Variants in THSD4 observed in about 807,000 individuals in gnomAD.
THSD4 encodes thrombospondin type-1 domain-containing protein 4.
Under a neutral mutation model 119.0 loss-of-function variants are expected in THSD4, and 69 were observed. The observed-to-expected ratio is 0.58, with a 90% CI of 0.48 to 0.71. THSD4 has a LOEUF of 0.71. Among genes scored for constraint, THSD4 ranks in the 30% least tolerant of loss-of-function variants. THSD4 has a pLI of 0.00. For missense variants in THSD4, 1,393 were observed against 1,391.1 expected (o/e 1.00, Z -0.02); for synonymous variants, 524 against 540.4 (o/e 0.97, Z 0.42).
intron 6 of THSD4, among the ~76,000 whole-genome samples, chr15:71,257,423 C>T (rs184346960): frequency 1.6e-3 from 236 of 152,210 alleles, no homozygotes; most frequent in Admixed American, 3.1e-3. Flanking sequence ...GTTCTATGCT[C>T]ACAGCCAAGT....
chr15:71,113,045 C>T (rs2040319044), upstream of THSD4, among the ~76,000 whole-genome samples: 1 of 151,984 alleles, frequency 6.6e-6, no homozygotes, highest in African/African-American at 2.4e-5. Flanking sequence ...AAAAATTAGT[C>T]AAATGTGGTG....
chr15:71,625,834 G>A (rs761359471), intron 7 of THSD4, among the ~76,000 whole-genome samples: 1 of 152,186 alleles, frequency 6.6e-6, no homozygotes, highest in Non-Finnish European at 1.5e-5. Context: ...GTGATAGATT[G>A]CTAAGGTAGA....
intron 8 of THSD4, among the ~76,000 whole-genome samples, chr15:71,723,914 A>T (rs916414773): frequency 2.0e-5 from 3 of 151,946 alleles, no homozygotes; most frequent in African/African-American, 7.3e-5. Flanking sequence ...TACAAAACAT[A>T]CAAAAATTAA....
At chr15:71,604,849 T>C (rs931331484) in intron 7 of THSD4, among the ~76,000 whole-genome samples, 1 of 150,492 alleles carries the variant, frequency 6.6e-6, no homozygotes, top group Non-Finnish European at 1.5e-5. Flanking sequence ...CCTGTCAACA[T>C]AGAATTCTAT....
At position 71,491,994 on chromosome 15, in the gene THSD4, A is replaced by G. The variant is rs1056202420; in HGVS notation, c.1152+80171A>G. Among the ~76,000 whole-genome samples the G allele has an allele frequency of 8.5e-5, 13 of 152,244 alleles. No homozygotes were observed. In the East Asian group the frequency reaches 9.7e-4, roughly 11 times the overall value. On this transcript the variant is annotated intron_variant, in intron 7 of 17. Coordinates refer to ENST00000261862, the MANE Select transcript of THSD4 (RefSeq NM_024817.3). ...TATTTTTGCTTGCCTGCCTTTGATG[A>G]CAAGTCAGGTGGAATATTTCTTCTT...
At chr15:71,459,160 CT>C (rs372209662) in intron 7 of THSD4, among the ~76,000 whole-genome samples, 3,594 of 128,760 alleles carry the variant, frequency 0.028, 26 homozygotes, top group Middle Eastern at 0.063. Context: ...TTCTTTTTTT[CT>C]TTTTTTTTTT....
chr15:71,523,940 G>A (rs917061312), intron 7 of THSD4, among the ~76,000 whole-genome samples: 2 of 152,148 alleles, frequency 1.3e-5, no homozygotes, highest in African/African-American at 4.8e-5. Flanking sequence ...CATTGAACAG[G>A]TGTCTATCCT....
intron 6 of THSD4, among the ~76,000 whole-genome samples, chr15:71,372,494 A>T (rs2046068596): frequency 6.6e-6 from 1 of 152,178 alleles, no homozygotes; most frequent in African/African-American, 2.4e-5. Context: ...TTTTCCTTCT[A>T]ACAGTCAGTA....
chr15:71,681,402 C>T (rs1484692116), intron 8 of THSD4, among the ~76,000 whole-genome samples: 2 of 151,566 alleles, frequency 1.3e-5, no homozygotes, highest in African/African-American at 4.8e-5. Flanking sequence ...GCACACTGGG[C>T]GTGGTGGCTC....
intron 7 of THSD4, among the ~76,000 whole-genome samples, chr15:71,565,349 G>T (rs1187078756): frequency 6.6e-6 from 1 of 152,186 alleles, no homozygotes; most frequent in Non-Finnish European, 1.5e-5. Flanking sequence ...CATCACAGAT[G>T]TACCCACATA....
In THSD4 at chr15:71,366,127, G is replaced by A. The variant is rs139836354; in HGVS notation, c.1016-45560G>A. Among the ~76,000 whole-genome samples, 24 of 152,226 alleles carry A rather than the reference G, an allele frequency of 1.6e-4. No individual in the cohort carries two copies. The East Asian group carries it at 4.4e-3, about 28-fold the overall frequency. On this transcript the variant is annotated intron_variant, in intron 6 of 17. Transcript: ENST00000261862. Reference sequence around the variant, plus strand: ...CTCACTCTGTTGCCCAGGCTGGAGTGCAGTGGCGTGATCTCGGCTCACTGC... The same window carrying A: ...CTCACTCTGTTGCCCAGGCTGGAGTACAGTGGCGTGATCTCGGCTCACTGC...
At chr15:71,469,577 G>A (rs770107920) in intron 7 of THSD4, among the ~76,000 whole-genome samples, 7 of 152,166 alleles carry the variant, frequency 4.6e-5, no homozygotes, top group Admixed American at 6.5e-5. Flanking sequence ...TGAGGCACAG[G>A]TGGTATTTAT....
intron 1 of THSD4, among the ~76,000 whole-genome samples, chr15:71,104,543 T>C (rs905441776): frequency 6.6e-5 from 10 of 152,336 alleles, no homozygotes; most frequent in African/African-American, 2.4e-4. Flanking sequence ...AAGAGGTTTC[T>C]TCTGAGCCAA....
chr15:71,752,225 C>T (rs16953740), intron 14 of THSD4, among the ~76,000 whole-genome samples: 11,964 of 152,194 alleles, frequency 0.079, 1,598 homozygotes, highest in African/African-American at 0.27. Context: ...GTGTCTCCCA[C>T]ATTTATTTAG....
chr15:71,377,788 G>A lies in THSD4; in HGVS notation c.1016-33899G>A, dbSNP rs558905422. ...GGGCCTGAGAACTTTGTGATATACA[G>A]AAGTCATTCTTTAAAGTCCTGTTCT... is the stretch of plus-strand genomic sequence containing the variant. On this transcript the variant is annotated intron_variant, in intron 6 of 17. Transcript: ENST00000261862. 1.2e-4 allele frequency among the ~76,000 whole-genome samples: 18 copies of A among 151,788 alleles called. No homozygotes were observed. The South Asian group carries it at 3.7e-3, about 32-fold the overall frequency.
At chr15:71,769,928 TAAAAAAA>T (rs1181348692) in intron 16 of THSD4, among the ~76,000 whole-genome samples, 2 of 44,300 alleles carry the variant, frequency 4.5e-5, no homozygotes, top group Non-Finnish European at 8.1e-5. Context: ...AAAATAAATT[TAAAAAAA>T]AAAAAAAAAA....
At chr15:71,771,663 T>G (rs1255765511) in intron 17 of THSD4, among the ~76,000 whole-genome samples, 2 of 152,226 alleles carry the variant, frequency 1.3e-5, no homozygotes, top group South Asian at 2.1e-4. Context: ...AGGGGCGTAG[T>G]GCAAGCTGAG....
At chr15:71,432,141 A>G (rs990662974) in intron 7 of THSD4, among the ~76,000 whole-genome samples, 1 of 152,218 alleles carries the variant, frequency 6.6e-6, no homozygotes, top group African/African-American at 2.4e-5. Context: ...TTATACAAAT[A>G]TAACTCAAGG....
At chr15:71,469,437 G>A (rs1321550432) in intron 7 of THSD4, among the ~76,000 whole-genome samples, 1 of 152,130 alleles carries the variant, frequency 6.6e-6, no homozygotes, top group African/African-American at 2.4e-5. Context: ...GGAGAACAGT[G>A]AGACAGCAAT....
Sources: gnomAD v4.1 joint callset for allele counts (sites outside exome capture counted in the v4.1 genomes callset) on GRCh38, gnomAD v4.1.1 for gene constraint, MANE v1.5 for transcripts, NCBI Gene and HGNC (gene_info 2026-07-23, HGNC 2026-07-21) for gene names.